The following NAALADL2 variants were observed in gnomAD, a reference collection of about 807,000 sequenced individuals.
The protein encoded by NAALADL2 is N-acetylated alpha-linked acidic dipeptidase like 2, also known as inactive N-acetylated-alpha-linked acidic dipeptidase-like protein 2.
A neutral mutation model predicts 87.2 loss-of-function variants in NAALADL2; 76 were observed. That is an observed-to-expected ratio of 0.87 (90% CI 0.72 to 1.05). The LOEUF is 1.05. Among genes scored for constraint, NAALADL2 ranks in the 50% least tolerant of loss-of-function variants. The pLI is 0.00. For synonymous variants in NAALADL2, 354 were observed against 331.0 expected (o/e 1.07, Z -0.75); for missense variants, 1,089 against 945.8 (o/e 1.15, Z -1.99).
rs1398396262 is a variant in NAALADL2 at position 175,698,483 on chromosome 3, T to TTTTATATATATATATATATA, written c.1897-38822_1897-38821insTTATATATATATATATATAT. Among the ~76,000 whole-genome samples the TTTTATATATATATATATATA allele has an allele frequency of 4.0e-4, 27 of 67,736 alleles. 2 individuals carry two copies. The highest frequency in any genetic ancestry group is 2.3e-3 in the African/African-American group (25 of 11,054). 44.4% of individuals were successfully genotyped at this position (67,736 alleles called of 152,430 possible). ...TGTGTATATATGTGTGTATATATAT[T>TTTTATATATATATATATATA]TATATATATATATATATATAAAATC... On this transcript the variant is annotated intron_variant, in intron 11 of 13. Coordinates refer to ENST00000454872, the MANE Select transcript of NAALADL2 (RefSeq NM_207015.3).
intron 13 of NAALADL2, among the ~76,000 whole-genome samples, chr3:175,798,954 G>C (rs543925839): frequency 6.6e-6 from 1 of 151,992 alleles, no homozygotes; most frequent in South Asian, 2.1e-4. Flanking sequence ...TTGCAGATGG[G>C]GAAAAGTCAT....
intron 2 of NAALADL2, among the ~76,000 whole-genome samples, chr3:174,657,909 T>A (rs1725133041): frequency 6.6e-6 from 1 of 152,172 alleles, no homozygotes; most frequent in Non-Finnish European, 1.5e-5. Flanking sequence ...TTGGCTTCCT[T>A]CACTTAATAT....
chr3:174,606,933 A>T (rs1452599207), intron 2 of NAALADL2, among the ~76,000 whole-genome samples: 2 of 152,332 alleles, frequency 1.3e-5, no homozygotes, highest in South Asian at 2.1e-4. Context: ...CGGGTTACCC[A>T]CAAAGGGAAG....
At chr3:175,486,519 T>G (rs1727281566) in intron 9 of NAALADL2, among the ~76,000 whole-genome samples, 1 of 152,162 alleles carries the variant, frequency 6.6e-6, no homozygotes, top group Non-Finnish European at 1.5e-5. Flanking sequence ...AAACTCCACA[T>G]TCATACTTCT....
chr3:175,338,130 G>A (rs1762185275), intron 5 of NAALADL2, among the ~76,000 whole-genome samples: 1 of 152,080 alleles, frequency 6.6e-6, no homozygotes, highest in South Asian at 2.1e-4. Context: ...TCATGCTTTA[G>A]GAAGTCGTGG....
chr3:174,590,028 G>A (rs1280124597), intron 2 of NAALADL2, among the ~76,000 whole-genome samples: 1 of 152,062 alleles, frequency 6.6e-6, no homozygotes, highest in African/African-American at 2.4e-5. Flanking sequence ...ACCTGAGAGG[G>A]TAGCATTAAG....
chr3:175,697,367 ACTT>A (rs1467658794), intron 11 of NAALADL2, among the ~76,000 whole-genome samples: 2 of 150,978 alleles, frequency 1.3e-5, no homozygotes. Flanking sequence ...TTGAACAACT[ACTT>A]ATAATGTGCT....
At chr3:174,657,400 A>T (rs1725067927) in intron 2 of NAALADL2, among the ~76,000 whole-genome samples, 1 of 151,814 alleles carries the variant, frequency 6.6e-6, no homozygotes, top group Non-Finnish European at 1.5e-5. Flanking sequence ...CAAGCAATCC[A>T]CCTGACTTGG....
chr3:175,327,186 C>T (rs1032580463), intron 5 of NAALADL2, among the ~76,000 whole-genome samples: 3 of 127,748 alleles, frequency 2.3e-5, no homozygotes, highest in Non-Finnish European at 3.1e-5. Flanking sequence ...GATGGAGTCT[C>T]GCTCTGTCGC....
chr3:174,898,107 C>T (rs1731808302), intron 1 of NAALADL2, among the ~76,000 whole-genome samples: 1 of 41,272 alleles, frequency 2.4e-5, no homozygotes, highest in East Asian at 1.0e-3. Context: ...AGCGAGACTC[C>T]GTCTCAAAAA....
chr3:175,694,166 A>G (rs987238024), intron 11 of NAALADL2, among the ~76,000 whole-genome samples: 2 of 152,164 alleles, frequency 1.3e-5, no homozygotes, highest in African/African-American at 4.8e-5. Context: ...TATGGTTAGA[A>G]TATTGGTTGG....
chr3:175,593,785 T>A (rs999334367), intron 10 of NAALADL2, among the ~76,000 whole-genome samples: 1 of 151,490 alleles, frequency 6.6e-6, no homozygotes, highest in African/African-American at 2.4e-5. Flanking sequence ...AAAAAAAACC[T>A]CCCGTTAACT....
At chr3:175,669,371 C>A (rs1304937419) in intron 11 of NAALADL2, among the ~76,000 whole-genome samples, 1 of 152,006 alleles carries the variant, frequency 6.6e-6, no homozygotes, top group East Asian at 1.9e-4. Context: ...TAGGACGATG[C>A]AGAACCATTC....
intron 1 of NAALADL2, among the ~76,000 whole-genome samples, chr3:174,930,025 C>T (rs563455232): frequency 5.3e-5 from 8 of 152,236 alleles, no homozygotes; most frequent in Admixed American, 4.6e-4. Context: ...ATCAAAGCCA[C>T]CTTAGTTTCT....
intron 1 of NAALADL2, among the ~76,000 whole-genome samples, chr3:175,085,373 T>G (rs1718678066): frequency 6.6e-6 from 1 of 152,236 alleles, no homozygotes; most frequent in Admixed American, 6.5e-5. Context: ...TCATTACTGC[T>G]TATAACTTGT....
rs962314380 is a variant in NAALADL2 at position 175,611,509 on chromosome 3, C to G, written c.1801-15782C>G. Reference sequence around the variant, plus strand: ...GTCCAAGTTAAAAAGAAAAAAGAGGCAATTTGTTTTAAGTCTAGAAGTTTA... The same window carrying G: ...GTCCAAGTTAAAAAGAAAAAAGAGGGAATTTGTTTTAAGTCTAGAAGTTTA... On this transcript the variant is annotated intron_variant, in intron 10 of 13. Coordinates refer to ENST00000454872, the MANE Select transcript of NAALADL2 (RefSeq NM_207015.3). Among the ~76,000 whole-genome samples the G allele has an allele frequency of 2.6e-5, 4 of 151,990 alleles. No individual in the cohort carries two copies. In the East Asian group the frequency reaches 7.7e-4, roughly 29 times the overall value.
chr3:175,342,660 C>G (rs535858234), intron 5 of NAALADL2, among the ~76,000 whole-genome samples: 1 of 152,096 alleles, frequency 6.6e-6, no homozygotes, highest in East Asian at 1.9e-4. Flanking sequence ...GTGACTCTGA[C>G]TTTCTTAAAT....
intron 3 of NAALADL2, among the ~76,000 whole-genome samples, chr3:174,822,988 C>G (rs990057412): frequency 4.6e-5 from 7 of 152,146 alleles, no homozygotes; most frequent in African/African-American, 7.2e-5. Context: ...CACAGAATTC[C>G]TCTGTCCATA....
chr3:175,138,928 T>A (rs1729573560), intron 2 of NAALADL2, among the ~76,000 whole-genome samples: 1 of 99,546 alleles, frequency 1.0e-5, no homozygotes, highest in South Asian at 3.2e-4. Context: ...ATATATATGA[T>A]AGTGAAGGTT....
Sources: gnomAD v4.1 joint callset for allele counts (sites outside exome capture counted in the v4.1 genomes callset) on GRCh38, gnomAD v4.1.1 for gene constraint, MANE v1.5 for transcripts, NCBI Gene and HGNC (gene_info 2026-07-23, HGNC 2026-07-21) for gene names.